Variants in NDUFB5 observed in about 807,000 individuals in gnomAD.
NDUFB5 encodes NADH dehydrogenase [ubiquinone] 1 beta subcomplex subunit 5, mitochondrial.
Under a neutral mutation model 19.4 loss-of-function variants are expected in NDUFB5, and 19 were observed. That is an observed-to-expected ratio of 0.98 (90% CI 0.68 to 1.43). The LOEUF (loss-of-function observed/expected upper bound fraction) is 1.43, where lower values mean the gene tolerates loss of function less well. Among genes scored for constraint, NDUFB5 ranks in the 40% most tolerant of loss-of-function variants. The pLI is 0.00. For synonymous variants in NDUFB5, 80 were observed against 82.6 expected, an observed-to-expected ratio of 0.97 and a Z score of 0.17; for missense variants, 233 against 236.5, an observed-to-expected ratio of 0.99 and a Z score of 0.10.
intron 1 of NDUFB5, among the ~76,000 whole-genome samples, chr3:179,609,613 A>G (rs898919982): frequency 6.6e-6 from 1 of 152,140 alleles, no homozygotes; most frequent in African/African-American, 2.4e-5. Flanking sequence ...TTGCTTATGT[A>G]TCTTACTAGG....
chr3:179,624,142 GA>G lies in NDUFB5; in HGVS notation c.*103del, dbSNP rs1178209360. 7.7e-5 allele frequency: 83 copies of G among 1,073,968 alleles called. No homozygotes were observed. The Middle Eastern group carries it at 1.6e-3, about 20-fold the overall frequency. The allele number at this position is 1,073,968 out of a possible 1,614,324, so 66.5% of individuals were successfully genotyped here. A position where few individuals can be genotyped will look rare whatever the true frequency, so the allele number is the denominator to read the frequency against. On this transcript the variant is annotated 3_prime_UTR_variant, in exon 6 of 6. Transcript: ENST00000259037. ...CTCCGTGAAAAACAAAAGAGCCTCT[GA>G]CATTACTGTCTCTCAGTGTTGGTTC...
intron 4 of NDUFB5, 116 bp downstream of exon 4, chr3:179,617,160 C>CGG: frequency 1.4e-6 from 1 of 719,444 alleles, no homozygotes; most frequent in Non-Finnish European, 2.2e-6. Flanking sequence ...TTTTTTGAGA[C>CGG]AGCATCTCGC....
chr3:179,621,284 C>G (rs1288336451), intron 5 of NDUFB5, among the ~76,000 whole-genome samples: 1 of 152,028 alleles, frequency 6.6e-6, no homozygotes. Context: ...CACCGTGTTG[C>G]CTAGGCTGCT....
intron 5 of NDUFB5, among the ~76,000 whole-genome samples, chr3:179,619,205 T>C (rs942758501): frequency 6.6e-6 from 1 of 151,478 alleles, no homozygotes; most frequent in Middle Eastern, 3.2e-3. Flanking sequence ...TGTTTTTTTT[T>C]TTTTTTTTTT....
intron 1 of NDUFB5, 142 bp downstream of exon 1, chr3:179,605,081 G>C (rs1466865431): frequency 1.6e-6 from 2 of 1,230,516 alleles, no homozygotes; most frequent in Non-Finnish European, 2.1e-6. Flanking sequence ...GACGGAGCAC[G>C]AGCTATATGA....
At position 179,625,179 on chromosome 3, in the gene NDUFB5, AT is replaced by A; in HGVS notation, c.*1142del. The A allele has an allele frequency of 6.6e-6, 1 of 152,306 alleles. No individual in the cohort carries two copies. The highest frequency in any genetic ancestry group is 2.1e-4 in the South Asian group (1 of 4,824). 9.4% of individuals were successfully genotyped at this position (152,306 alleles called of 1,614,324 possible). ...ATTTACAAAAATAAACATTTAAAAC[AT>A]TTACACTTCAACTTCCAAAATGGCT... On this transcript the variant is annotated 3_prime_UTR_variant, in exon 6 of 6. Transcript: ENST00000259037.
In NDUFB5 at chr3:179,627,078, T is replaced by C. The variant is rs1719691931; in HGVS notation, c.*3038T>C. ...GGAGGCCTCAAGGAACTTTCACTCA[T>C]AGCAGAAAGCAAAGCAGGAGCAGGC... On this transcript the variant is annotated 3_prime_UTR_variant, in exon 6 of 6. Transcript: ENST00000259037. The C allele has an allele frequency of 1.3e-5, 2 of 152,146 alleles. No homozygotes were observed. Among genetic ancestry groups the C allele is most frequent in the Admixed American group, 6.6e-5 (1 of 15,260 alleles). 9.4% of individuals were successfully genotyped at this position (152,146 alleles called of 1,614,324 possible).
At chr3:179,620,369 T>G (rs1719503230) in intron 5 of NDUFB5, among the ~76,000 whole-genome samples, 1 of 151,920 alleles carries the variant, frequency 6.6e-6, no homozygotes, top group Non-Finnish European at 1.5e-5. Context: ...TGAATTAATT[T>G]TTGTATAAGG....
chr3:179,610,915 A>C (rs1719224012), intron 1 of NDUFB5, among the ~76,000 whole-genome samples: 1 of 152,240 alleles, frequency 6.6e-6, no homozygotes, highest in Non-Finnish European at 1.5e-5. Context: ...GTTAATCCAG[A>C]CATGGAATAG....
At position 179,615,021 on chromosome 3, in the gene NDUFB5, C is replaced by A; in HGVS notation, c.175C>A (p.Pro59Thr). The A allele has an allele frequency of 1.9e-6, 3 of 1,608,838 alleles. No homozygotes were observed. Among genetic ancestry groups the A allele is most frequent in the Non-Finnish European group, 2.5e-6 (3 of 1,176,640 alleles). ...TGGGAAAAGACTATTTGTCATCAGA[C>A]CTTCTAGATTCTATGACAGGCGTTT... Reference protein sequence around the residue: ...DHGKRLFVIRPSRFYDRRFLK... With the variant: ...DHGKRLFVIRTSRFYDRRFLK... The change falls in exon 2 of 6, where the codon CCT becomes ACT. Residue 59 changes from proline to threonine, a missense_variant. Transcript: ENST00000259037.
intron 1 of NDUFB5, among the ~76,000 whole-genome samples, chr3:179,605,890 C>G (rs1469907130): frequency 2.6e-5 from 4 of 151,888 alleles, no homozygotes; most frequent in African/African-American, 9.7e-5. Context: ...CCCCCGGGTT[C>G]AAGCGATTCT....
intron 5 of NDUFB5, among the ~76,000 whole-genome samples, chr3:179,622,580 ATAGTAGTCCAT>A: frequency 6.6e-6 from 1 of 152,348 alleles, no homozygotes; most frequent in East Asian, 1.9e-4. Flanking sequence ...TAGTAGGTAC[ATAGTAGTCCAT>A]TATGTGGATG....
intron 1 of NDUFB5, among the ~76,000 whole-genome samples, chr3:179,612,475 C>CT (rs760879075): frequency 0.12 from 14,450 of 122,808 alleles, 1,137 homozygotes; most frequent in South Asian, 0.16. Flanking sequence ...TGCATTAAAC[C>CT]TTTTTTTTTT....
In NDUFB5 at chr3:179,616,314, G is replaced by A. The variant is rs573832729; in HGVS notation, c.280+265G>A. Among the ~76,000 whole-genome samples, 645 of 152,148 alleles carry A rather than the reference G, an allele frequency of 4.2e-3. 5 individuals are homozygous for A. The highest frequency in any genetic ancestry group is 0.015 in the African/African-American group (616 of 41,518). On this transcript the variant is annotated intron_variant, in intron 3 of 5. Transcript: ENST00000259037. ...TCCCAGCACTTTGGGAGGCCGAGGC[G>A]GGCAGATCATGAGGTCAGGGGTTCG...
Position 179,624,473 on chromosome 3 carries a change from A to T in NDUFB5, c.*433A>T, listed in dbSNP as rs1010464580. 6.5e-6 allele frequency: 1 copy of T among 153,226 alleles called. No individual in the cohort carries two copies. Among genetic ancestry groups the T allele is most frequent in the African/African-American group, 2.4e-5 (1 of 41,370 alleles). The allele number at this position is 153,226 out of a possible 1,614,324, so 9.5% of individuals were successfully genotyped here. ...AAAATGTTAACTCCTTAATAAACAGATTCTCAGTAAACAAATTTTAAAGTT... is the reference window on the plus strand; with the variant it reads ...AAAATGTTAACTCCTTAATAAACAGTTTCTCAGTAAACAAATTTTAAAGTT... On this transcript the variant is annotated 3_prime_UTR_variant, in exon 6 of 6. Coordinates refer to ENST00000259037, the MANE Select transcript of NDUFB5 (RefSeq NM_002492.4).
At chr3:179,615,865 A>G in intron 2 of NDUFB5, 118 bp from the exon 3 acceptor site, 2 of 772,030 alleles carry the variant, frequency 2.6e-6, no homozygotes, top group Non-Finnish European at 4.3e-6. Context: ...TTGGTACTGT[A>G]TGCCCAATTT....
chr3:179,616,525 G>A (rs571876975), intron 3 of NDUFB5, among the ~76,000 whole-genome samples: 166 of 152,130 alleles, frequency 1.1e-3, no homozygotes, highest in African/African-American at 3.9e-3. Flanking sequence ...CCGGGCAACA[G>A]AGTGAGACTC....
At chr3:179,613,342 C>T (rs902386692) in intron 1 of NDUFB5, among the ~76,000 whole-genome samples, 3 of 152,134 alleles carry the variant, frequency 2.0e-5, no homozygotes, top group African/African-American at 7.2e-5. Context: ...CTTCCCAACC[C>T]CCCCATCTTG....
intron 1 of NDUFB5, among the ~76,000 whole-genome samples, chr3:179,612,570 G>C (rs908474346): frequency 6.6e-6 from 1 of 150,844 alleles, no homozygotes; most frequent in Non-Finnish European, 1.5e-5. Context: ...CCGCCTCCTG[G>C]GTTTACTTAC....
Sources: gnomAD v4.1 joint callset for allele counts (sites outside exome capture counted in the v4.1 genomes callset) on GRCh38, gnomAD v4.1.1 for gene constraint, MANE v1.5 for transcripts, NCBI Gene and HGNC (gene_info 2026-07-23, HGNC 2026-07-21) for gene names.